Variants in RPS6KA2 observed in about 807,000 individuals in gnomAD.
The protein encoded by RPS6KA2 is ribosomal protein S6 kinase A2.
In RPS6KA2, 42 loss-of-function variants were observed where a neutral mutation model predicts 91.8. The observed-to-expected ratio is 0.46, with a 90% CI of 0.36 to 0.59. The LOEUF (loss-of-function observed/expected upper bound fraction) is 0.59. Ranked by LOEUF, RPS6KA2 falls within the 20% of genes least tolerant of loss-of-function variation. RPS6KA2 has a pLI of 0.00. For missense variants in RPS6KA2, 798 were observed against 978.5 expected, an observed-to-expected ratio of 0.82 and a Z score of 2.46; for synonymous variants, 414 against 393.6, an observed-to-expected ratio of 1.05 and a Z score of -0.61.
chr6:166,652,588 G>A (rs1185053219), intron 2 of RPS6KA2, among the ~76,000 whole-genome samples: 1 of 152,086 alleles, frequency 6.6e-6, no homozygotes, highest in East Asian at 1.9e-4. Flanking sequence ...GTCACTGAAA[G>A]CCAATGTGTA....
intron 1 of RPS6KA2, among the ~76,000 whole-genome samples, chr6:166,610,653 T>C (rs3799577): frequency 0.88 from 133,300 of 152,208 alleles, 58,580 homozygotes; most frequent in South Asian, 0.93. Context: ...TACTAATTTA[T>C]CAAAACATAA....
upstream of RPS6KA2, chr6:166,627,400 T>G (rs1786933444): frequency 7.9e-5 from 13 of 164,760 alleles, no homozygotes; most frequent in East Asian, 2.3e-4. Flanking sequence ...ACCCCTCCCG[T>G]TCCCACCCAC....
chr6:166,727,744 C>A (rs1340649790), intron 2 of RPS6KA2, among the ~76,000 whole-genome samples: 1 of 152,106 alleles, frequency 6.6e-6, no homozygotes, highest in Non-Finnish European at 1.5e-5. Flanking sequence ...CTATCAGCAA[C>A]CTAATGTGGC....
At chr6:166,586,578 G>T in intron 1 of RPS6KA2, 1 of 1,121,120 alleles carries the variant, frequency 8.9e-7, no homozygotes, top group Non-Finnish European at 1.2e-6. Context: ...GAACCCCGCC[G>T]GCGAGACACT....
chr6:166,522,071 T>C (rs1346797057), intron 3 of RPS6KA2, among the ~76,000 whole-genome samples: 2 of 152,222 alleles, frequency 1.3e-5, no homozygotes, highest in African/African-American at 4.8e-5. Flanking sequence ...GCCTGGATCT[T>C]GGACTTGTGG....
intron 1 of RPS6KA2, among the ~76,000 whole-genome samples, chr6:166,610,587 C>T (rs1398463601): frequency 1.3e-5 from 2 of 152,186 alleles, no homozygotes; most frequent in South Asian, 2.1e-4. Context: ...TCACCCAGGG[C>T]CCCTCAGGAG....
chr6:166,578,960 G>C (rs1784924056), intron 1 of RPS6KA2, among the ~76,000 whole-genome samples: 1 of 152,178 alleles, frequency 6.6e-6, no homozygotes, highest in South Asian at 2.1e-4. Flanking sequence ...CACTCAGAGA[G>C]ACCAAAAAGC....
intron 2 of RPS6KA2, among the ~76,000 whole-genome samples, chr6:166,762,363 C>CGT (rs151151461): frequency 2.6e-5 from 4 of 151,998 alleles, no homozygotes; most frequent in African/African-American, 9.7e-5. Flanking sequence ...ATGCAGTGTG[C>CGT]GTGTGTGTGT....
At chr6:166,600,430 C>T (rs1212920092) in intron 1 of RPS6KA2, among the ~76,000 whole-genome samples, 1 of 152,254 alleles carries the variant, frequency 6.6e-6, no homozygotes, top group East Asian at 1.9e-4. Flanking sequence ...TCAATCAAGG[C>T]TTGCTCAGTG....
intron 2 of RPS6KA2, among the ~76,000 whole-genome samples, chr6:166,768,759 C>A (rs551892131): frequency 2.0e-5 from 3 of 152,176 alleles, no homozygotes; most frequent in Non-Finnish European, 4.4e-5. Context: ...TGTGTGAGAT[C>A]TGATTTGCTT....
intron 2 of RPS6KA2, among the ~76,000 whole-genome samples, chr6:166,785,156 C>G (rs1015032948): frequency 3.9e-5 from 6 of 152,218 alleles, no homozygotes; most frequent in African/African-American, 1.4e-4. Context: ...ATCCCATTTG[C>G]TTGTAAAGGC....
In RPS6KA2 at chr6:166,435,476, G is replaced by GTAAT. The variant is rs1278653867; in HGVS notation, c.1333-2990_1333-2987dup. Among the ~76,000 whole-genome samples the GTAAT allele has an allele frequency of 2.6e-5, 4 of 152,220 alleles. No homozygotes were observed. The highest frequency in any genetic ancestry group is 5.9e-5 in the Non-Finnish European group (4 of 68,044). On this transcript the variant is annotated intron_variant, in intron 14 of 20. Coordinates refer to ENST00000265678, the MANE Select transcript of RPS6KA2 (RefSeq NM_021135.6). The surrounding 1 kb of genome is among the most constrained non-coding windows in gnomAD (Gnocchi z 4.3). ...TATTAGTTACGCCTTTCAAAATCAT[G>GTAAT]TAATTGCTTGGTGGAACCCCCAAAG...
At chr6:166,769,357 T>C (rs1562428747) in intron 2 of RPS6KA2, among the ~76,000 whole-genome samples, 1 of 152,358 alleles carries the variant, frequency 6.6e-6, no homozygotes. Flanking sequence ...TGACTCTTTT[T>C]TTCTTGGACA....
chr6:166,730,407 G>A (rs1790476657), intron 2 of RPS6KA2, among the ~76,000 whole-genome samples: 1 of 152,150 alleles, frequency 6.6e-6, no homozygotes, highest in Admixed American at 6.5e-5. Context: ...TTTTGATGTT[G>A]TTAAATGTTT....
chr6:166,619,046 C>T (rs949804571), intron 1 of RPS6KA2, among the ~76,000 whole-genome samples: 8 of 151,788 alleles, frequency 5.3e-5, no homozygotes, highest in African/African-American at 9.7e-5. Context: ...GGGCTCCCAT[C>T]GATGCCATCA....
At chr6:166,669,346 C>G (rs1788409382) in intron 2 of RPS6KA2, among the ~76,000 whole-genome samples, 1 of 152,184 alleles carries the variant, frequency 6.6e-6, no homozygotes, top group South Asian at 2.1e-4. Flanking sequence ...ACGAGGCTCC[C>G]AGCCCATCTG....
rs774918926 is a variant in RPS6KA2 at position 166,563,263 on chromosome 6, T to C, written c.100-24479A>G. 5.3e-4 allele frequency among the ~76,000 whole-genome samples: 81 copies of C among 152,196 alleles called. No homozygotes were observed. Among genetic ancestry groups the C allele is most frequent in the Non-Finnish European group, 8.8e-4 (60 of 67,982 alleles). On this transcript the variant is annotated intron_variant, in intron 1 of 20. Coordinates refer to ENST00000265678, the MANE Select transcript of RPS6KA2 (RefSeq NM_021135.6). This position sits in a 1 kb window ranked among gnomAD's most constrained non-coding sequence, Gnocchi z 4.1. ...ATGGAGAAGGCATCCTCCGGTGGGA[T>C]GGGGTGGAGCTGGGAGAGGCCCCAG...
chr6:166,600,973 TAAAC>T (rs1025002265), intron 1 of RPS6KA2, among the ~76,000 whole-genome samples: 3 of 152,196 alleles, frequency 2.0e-5, no homozygotes, highest in African/African-American at 7.2e-5. Flanking sequence ...CAATATTTCT[TAAAC>T]AAACAAACAA....
In RPS6KA2 at chr6:166,498,567, C is replaced by A; in HGVS notation, c.688G>T (p.Val230Leu). ...CGTIEYMAPE[V>L]VNRRGHTQSA... ...TGCGTGTGTCCTCGCCGGTTCACCACCTCGGGCGCCATGTACTCGATCGTC... is the reference window on the plus strand; with the variant it reads ...TGCGTGTGTCCTCGCCGGTTCACCAACTCGGGCGCCATGTACTCGATCGTC... The change falls in exon 8 of 21, where the codon GTG becomes TTG. Residue 230 changes from valine to leucine, a missense_variant. Transcript: ENST00000265678. The A allele has an allele frequency of 6.2e-7, 1 of 1,613,900 alleles. No individual in the cohort carries two copies. The highest frequency in any genetic ancestry group is 8.5e-7 in the Non-Finnish European group (1 of 1,179,992).
Sources: allele counts gnomAD v4.1 joint callset (sites outside exome capture counted in the v4.1 genomes callset), GRCh38; gene constraint gnomAD v4.1.1; non-coding constraint Gnocchi (gnomAD v3.1); transcripts MANE v1.5; gene names NCBI Gene and HGNC (gene_info 2026-07-23, HGNC 2026-07-21).